VWA3A: variants seen among roughly 807,000 people sequenced by gnomAD.
VWA3A encodes von Willebrand factor A domain containing 3A.
VWA3A carries 134 observed loss-of-function variants against 160.4 expected under a neutral mutation model. That is an observed-to-expected ratio of 0.84 (90% CI 0.73 to 0.96). The LOEUF (loss-of-function observed/expected upper bound fraction) is 0.96. Among genes scored for constraint, VWA3A ranks in the 40% least tolerant of loss-of-function variants. The pLI is 0.00. For missense variants in VWA3A, 1,310 were observed against 1,447.9 expected (o/e 0.90, Z 1.55); for synonymous variants, 476 against 543.4 (o/e 0.88, Z 1.72).
chr16:22,103,437 C>T (rs1440887727), intron 5 of VWA3A, 38 bp from the exon 6 acceptor site: 51 of 1,545,530 alleles, frequency 3.3e-5, no homozygotes, highest in Non-Finnish European at 4.5e-5. Context: ...AGTGATGACG[C>T]TGGCCTTGGG....
rs753227318 is a variant in VWA3A, at chr16:22,116,833, T to A, written c.890T>A (p.Phe297Tyr). The change falls in exon 10 of 34, where the codon TTC becomes TAC. Residue 297 changes from phenylalanine (F) to tyrosine (Y), a missense_variant. Coordinates refer to ENST00000389398, the MANE Select transcript of VWA3A (RefSeq NM_173615.5). ...ATGGGAAGAGACCTCATCATCCACT[T>A]CATCACCTACAGATGCGATGATCAG... ...STMGRDLIIH[F>Y]ITYRCDDQMP... 3.4e-5 allele frequency: 55 copies of A among 1,613,334 alleles called. No individual in the cohort carries two copies. Among genetic ancestry groups the A allele is most frequent in the Non-Finnish European group, 5.9e-6 (7 of 1,179,864 alleles).
chr16:22,133,096 G>A lies in VWA3A; in HGVS notation c.2068+1G>A, dbSNP rs2141964674. 6.2e-7 allele frequency: 1 copy of A among 1,610,516 alleles called. No individual in the cohort carries two copies. Among genetic ancestry groups the A allele is most frequent in the Non-Finnish European group, 8.5e-7 (1 of 1,178,472 alleles). On this transcript the variant is annotated splice_donor_variant, in intron 20 of 33. Transcript: ENST00000389398. LOFTEE classifies it high-confidence loss of function. Reference sequence around the variant, plus strand: ...CGCTTCCACTGGTTTGGAGACACAGGTACATGACTGTTTCCTCATCCCTTC... The same window carrying A: ...CGCTTCCACTGGTTTGGAGACACAGATACATGACTGTTTCCTCATCCCTTC...
At chr16:22,142,439 C>T (rs1040441219) in intron 24 of VWA3A, among the ~76,000 whole-genome samples, 1 of 152,012 alleles carries the variant, frequency 6.6e-6, no homozygotes, top group Non-Finnish European at 1.5e-5. Flanking sequence ...TGGGGAGGTG[C>T]CAGGCTTTTA....
At chr16:22,132,226 A>T (rs1369317169) in intron 19 of VWA3A, among the ~76,000 whole-genome samples, 1 of 151,774 alleles carries the variant, frequency 6.6e-6, no homozygotes, top group East Asian at 1.9e-4. Flanking sequence ...TCTACTAAAA[A>T]TACAAAATTA....
chr16:22,142,838 G>A, intron 25 of VWA3A, 73 bp downstream of exon 25: 2 of 1,132,252 alleles, frequency 1.8e-6, no homozygotes, highest in Admixed American at 4.0e-5. Flanking sequence ...ATTACTTCTA[G>A]GATGGGGGGG....
At chr16:22,117,541 C>T (rs1207067690) in intron 11 of VWA3A, among the ~76,000 whole-genome samples, 8 of 152,192 alleles carry the variant, frequency 5.3e-5, no homozygotes, top group African/African-American at 1.4e-4. Flanking sequence ...TGAATTGCCT[C>T]GATTTTCTCT....
At chr16:22,143,458 T>C (rs1018610552) in intron 25 of VWA3A, among the ~76,000 whole-genome samples, 10 of 152,220 alleles carry the variant, frequency 6.6e-5, no homozygotes, top group African/African-American at 4.8e-5. Flanking sequence ...ATTGTGCCGA[T>C]GGCAGATGCC....
Position 22,152,498 on chromosome 16 carries a change from C to G in VWA3A, c.3282-13C>G, listed in dbSNP as rs1301854188. The G allele has an allele frequency of 6.2e-7, 1 of 1,612,432 alleles. No homozygotes were observed. The highest frequency in any genetic ancestry group is 1.7e-5 in the Admixed American group (1 of 59,902). On this transcript the variant is annotated splice_polypyrimidine_tract_variant and intron_variant, in intron 30 of 33. Coordinates refer to ENST00000389398, the MANE Select transcript of VWA3A (RefSeq NM_173615.5). Reference sequence around the variant, plus strand: ...GTCAGCCTTCCCACCAGCCCTCTGTCCCTTCCTTCCAGAGCGGCGGTTGAG... The same window carrying G: ...GTCAGCCTTCCCACCAGCCCTCTGTGCCTTCCTTCCAGAGCGGCGGTTGAG...
intron 11 of VWA3A, 99 bp downstream of exon 11, chr16:22,117,275 G>GTTTCTCCT (rs1555457276): frequency 7.8e-7 from 1 of 1,285,246 alleles, no homozygotes; most frequent in Non-Finnish European, 1.1e-6. Flanking sequence ...CTATATACTT[G>GTTTCTCCT]TTTCTCCTTT....
chr16:22,109,356 T>A, intron 6 of VWA3A, 126 bp from the exon 7 acceptor site: 1 of 750,266 alleles, frequency 1.3e-6, no homozygotes, highest in Non-Finnish European at 2.2e-6. Context: ...TAAAATGAGG[T>A]TTCCATCTGC....
At chr16:22,103,072 T>C (rs2045430486) in intron 5 of VWA3A, among the ~76,000 whole-genome samples, 1 of 152,230 alleles carries the variant, frequency 6.6e-6, no homozygotes, top group Admixed American at 6.5e-5. Flanking sequence ...TCCTCGATTG[T>C]GCCCAGGCTT....
In VWA3A at chr16:22,106,066, A is replaced by G. The variant is rs192286884; in HGVS notation, c.483+2537A>G. On this transcript the variant is annotated intron_variant, in intron 6 of 33. Coordinates refer to ENST00000389398, the MANE Select transcript of VWA3A (RefSeq NM_173615.5). ...AAGAAACAAAGCTGAGTAAGGGAAC[A>G]GAGGGTGGAACAGGACTATTTAAAT... Among the ~76,000 whole-genome samples, 631 of 152,282 alleles carry G rather than the reference A, an allele frequency of 4.1e-3. 6 individuals are homozygous for G. The highest frequency in any genetic ancestry group is 0.014 in the African/African-American group (601 of 41,556).
intron 21 of VWA3A, among the ~76,000 whole-genome samples, chr16:22,137,375 GCTGA>G (rs1316175708): frequency 6.6e-6 from 1 of 152,188 alleles, no homozygotes; most frequent in African/African-American, 2.4e-5. Context: ...CATGCGGCAA[GCTGA>G]CTGGCCCACA....
chr16:22,120,857 C>A, intron 12 of VWA3A, 111 bp from the exon 13 acceptor site: 4 of 1,352,210 alleles, frequency 3.0e-6, no homozygotes, highest in Non-Finnish European at 4.0e-6. Context: ...TTTAATCTAC[C>A]AGGGAGTGTT....
intron 8 of VWA3A, 118 bp from the exon 9 acceptor site, chr16:22,115,229 T>C (rs780912979): frequency 1.3e-5 from 16 of 1,189,632 alleles, no homozygotes; most frequent in Non-Finnish European, 1.8e-5. Context: ...TGAGCTATGA[T>C]TGCACCACTG....
At chr16:22,143,312 A>G (rs1361553658) in intron 25 of VWA3A, among the ~76,000 whole-genome samples, 1 of 152,168 alleles carries the variant, frequency 6.6e-6, no homozygotes, top group African/African-American at 2.4e-5. Flanking sequence ...TGCCTTTGTA[A>G]AATAAGGACA....
At chr16:22,122,276 GAT>G (rs1480434680) in intron 14 of VWA3A, among the ~76,000 whole-genome samples, 12 of 149,534 alleles carry the variant, frequency 8.0e-5, no homozygotes, top group African/African-American at 2.5e-4. Flanking sequence ...TGGATGGATG[GAT>G]GGGTGGATGG....
chr16:22,139,930 CATAT>C (rs1348497426), intron 22 of VWA3A, among the ~76,000 whole-genome samples: 2 of 152,148 alleles, frequency 1.3e-5, no homozygotes. Flanking sequence ...CACACACATA[CATAT>C]ACACTCCTAC....
chr16:22,152,422 C>A, intron 30 of VWA3A, 89 bp from the exon 31 acceptor site: 2 of 1,515,078 alleles, frequency 1.3e-6, no homozygotes, highest in Admixed American at 2.1e-5. Flanking sequence ...TTAAGCCCCA[C>A]GGACTTAAGT....
Sources: allele counts gnomAD v4.1 joint callset (sites outside exome capture counted in the v4.1 genomes callset), GRCh38; gene constraint gnomAD v4.1.1; transcripts MANE v1.5; gene names NCBI Gene and HGNC (gene_info 2026-07-23, HGNC 2026-07-21).